Variants in ACACA observed in about 807,000 individuals in gnomAD.
ACACA encodes acetyl-CoA carboxylase alpha, also known as acetyl-CoA carboxylase 1.
In ACACA, 103 loss-of-function variants were observed where a neutral mutation model predicts 296.1. The ratio of observed to expected loss-of-function variants is 0.35; its 90% CI spans 0.30 to 0.41. The LOEUF (loss-of-function observed/expected upper bound fraction) is 0.41. Among genes scored for constraint, ACACA ranks in the 10% least tolerant of loss-of-function variants. The pLI, the probability that ACACA is intolerant of heterozygous loss-of-function variation, is 1.00. For synonymous variants in ACACA, 953 were observed against 1,038.6 expected (o/e 0.92, Z 1.58); for missense variants, 1,554 against 2,989.7 (o/e 0.52, Z 11.20).
intron 55 of ACACA, 114 bp from the exon 56 acceptor site, chr17:37,087,553 T>A: frequency 7.9e-7 from 1 of 1,263,304 alleles, no homozygotes; most frequent in East Asian, 2.4e-5. Context: ...GACATTTTAG[T>A]CACGCCTCAC....
chr17:37,309,357 GC>G (rs2084026589), intron 3 of ACACA, among the ~76,000 whole-genome samples: 2 of 152,082 alleles, frequency 1.3e-5, no homozygotes, highest in Admixed American at 1.3e-4. Context: ...ACTATTATAT[GC>G]TATAGAAAAT....
rs2080833003 is a variant in ACACA at position 37,248,646 on chromosome 17, G to A, written c.2110C>T (p.Leu704=). The change falls in exon 17 of 56, where the codon CTG becomes TTG. Residue 704 remains leucine, a synonymous_variant. Coordinates refer to ENST00000616317, the MANE Select transcript of ACACA (RefSeq NM_198834.3). The part of the protein sequence containing the change: ...RGQVLPAHTL[L]NTVDVELIYE... ...ATAAGTTCAACATCTACTGTATTCAGAAGTGTATGAGCAGGAAGGACTTGA... is the reference window on the plus strand; with the variant it reads ...ATAAGTTCAACATCTACTGTATTCAAAAGTGTATGAGCAGGAAGGACTTGA... The A allele has an allele frequency of 6.2e-7, 1 of 1,611,390 alleles. No homozygotes were observed. Among genetic ancestry groups the A allele is most frequent in the African/African-American group, 1.3e-5 (1 of 74,844 alleles).
chr17:37,244,165 A>G (rs1228415904), intron 21 of ACACA, among the ~76,000 whole-genome samples: 2 of 151,916 alleles, frequency 1.3e-5, no homozygotes, highest in Non-Finnish European at 2.9e-5. Context: ...GTTCAAGACC[A>G]GTCTGGCCAA....
chr17:37,385,867 C>A, intron 1 of ACACA: 2 of 544,738 alleles, frequency 3.7e-6, no homozygotes, highest in South Asian at 6.8e-5. Flanking sequence ...ATTTTGTGCT[C>A]ACACCCTAAA....
intron 42 of ACACA, among the ~76,000 whole-genome samples, chr17:37,157,989 G>C (rs2076319381): frequency 6.6e-6 from 1 of 152,170 alleles, no homozygotes; most frequent in African/African-American, 2.4e-5. Context: ...GAATTTGTTA[G>C]AAGTACTCAG....
In ACACA at chr17:37,221,709, C is replaced by A; in HGVS notation, c.3683+15G>T. 1 of 1,600,222 alleles carries A rather than the reference C, an allele frequency of 6.2e-7. No homozygotes were observed. Among genetic ancestry groups the A allele is most frequent in the Non-Finnish European group, 8.6e-7 (1 of 1,167,356 alleles). Reference sequence around the variant, plus strand: ...CCTCTGGCTGGCTCGGGTGCACATACCACCTCAAACTCACCTGTTTGGATG... The same window carrying A: ...CCTCTGGCTGGCTCGGGTGCACATAACACCTCAAACTCACCTGTTTGGATG... On this transcript the variant is annotated intron_variant, in intron 29 of 55. Coordinates refer to ENST00000616317, the MANE Select transcript of ACACA (RefSeq NM_198834.3).
intron 44 of ACACA, 81 bp downstream of exon 44, chr17:37,151,220 T>A: frequency 6.6e-6 from 10 of 1,515,852 alleles, no homozygotes; most frequent in Non-Finnish European, 9.1e-6. Flanking sequence ...CATTTGGGAC[T>A]GAATAGCAGT....
chr17:37,402,071 T>C lies in ACACA; in HGVS notation c.38+4191A>G, dbSNP rs1289879372. 3.9e-5 allele frequency among the ~76,000 whole-genome samples: 6 copies of C among 152,314 alleles called. No homozygotes were observed. The South Asian group carries it at 8.3e-4, about 21-fold the overall frequency. ...GCTATTAGTTTATCCTGAAGGTCAA[T>C]CTTCAAAAATACTGGTTCAACATGG... is the stretch of plus-strand genomic sequence containing the variant. On this transcript the variant is annotated intron_variant, in intron 1 of 55. Coordinates refer to ENST00000616317, the MANE Select transcript of ACACA (RefSeq NM_198834.3).
chr17:37,179,938 T>C (rs2077257252), intron 40 of ACACA, among the ~76,000 whole-genome samples: 1 of 152,260 alleles, frequency 6.6e-6, no homozygotes, highest in Non-Finnish European at 1.5e-5. Flanking sequence ...TGTGACTATT[T>C]GTAAATGTGC....
chr17:37,344,029 A>G (rs1040854254), intron 1 of ACACA, among the ~76,000 whole-genome samples: 3 of 151,960 alleles, frequency 2.0e-5, no homozygotes, highest in African/African-American at 7.2e-5. Flanking sequence ...ACACCTAAAT[A>G]TACAATTACA....
intron 1 of ACACA, among the ~76,000 whole-genome samples, chr17:37,381,624 G>A (rs1017447396): frequency 4.2e-5 from 6 of 142,886 alleles, no homozygotes; most frequent in African/African-American, 1.5e-4. Flanking sequence ...CTCTTCCATA[G>A]TCTTTTTTTT....
At position 37,281,201 on chromosome 17, in the gene ACACA, G is replaced by T. The variant is rs554677797; in HGVS notation, c.610+2066C>A. 3.3e-5 allele frequency among the ~76,000 whole-genome samples: 5 copies of T among 151,624 alleles called. No homozygotes were observed. The East Asian group carries it at 9.7e-4, about 30-fold the overall frequency. Reference sequence around the variant, plus strand: ...TCAGCTTCCGAGTAGCTGGATTTACGGGCACCAGCACCATGCCCAGCTAAT... The same window carrying T: ...TCAGCTTCCGAGTAGCTGGATTTACTGGCACCAGCACCATGCCCAGCTAAT... On this transcript the variant is annotated intron_variant, in intron 5 of 55. Coordinates refer to ENST00000616317, the MANE Select transcript of ACACA (RefSeq NM_198834.3).
At chr17:37,380,524 C>T (rs2050201039) in intron 1 of ACACA, among the ~76,000 whole-genome samples, 1 of 152,070 alleles carries the variant, frequency 6.6e-6, no homozygotes, top group African/African-American at 2.4e-5. Flanking sequence ...CCCTTCTAGC[C>T]CTGATACTCT....
chr17:37,199,977 A>G (rs1318263906), intron 35 of ACACA, among the ~76,000 whole-genome samples, 162 bp downstream of exon 35: 1 of 152,110 alleles, frequency 6.6e-6, no homozygotes, highest in Non-Finnish European at 1.5e-5. Context: ...TCAGCCTCCC[A>G]AAGTGCTGGG....
chr17:37,209,089 G>T (rs1263644397), intron 30 of ACACA, among the ~76,000 whole-genome samples: 1 of 152,202 alleles, frequency 6.6e-6, no homozygotes, highest in Non-Finnish European at 1.5e-5. Context: ...TGATGACTAT[G>T]GAAAAGGTAC....
intron 3 of ACACA, among the ~76,000 whole-genome samples, chr17:37,287,891 G>C (rs1460538656): frequency 6.6e-6 from 1 of 152,168 alleles, no homozygotes; most frequent in Non-Finnish European, 1.5e-5. Context: ...CCTTCTTAGA[G>C]ACTGACATTT....
chr17:37,206,925 T>C (rs778617667), intron 31 of ACACA, 46 bp from the exon 32 acceptor site: 1 of 1,473,108 alleles, frequency 6.8e-7, no homozygotes, highest in Non-Finnish European at 9.5e-7. Flanking sequence ...TCAAGTGGCA[T>C]GAAACTAACA....
At chr17:37,179,123 T>C (rs1342168489) in intron 41 of ACACA, 137 bp downstream of exon 41, 6 of 1,072,812 alleles carry the variant, frequency 5.6e-6, no homozygotes, top group Non-Finnish European at 8.2e-6. Context: ...AATTTCTTGA[T>C]ACTCAGTCAA....
chr17:37,365,638 T>C (rs1189391979), intron 1 of ACACA: 5 of 985,318 alleles, frequency 5.1e-6, no homozygotes, highest in South Asian at 9.4e-5. Context: ...CTGAATACTA[T>C]GTCTCTTTGC....
Sources: allele counts gnomAD v4.1 joint callset (sites outside exome capture counted in the v4.1 genomes callset), GRCh38; gene constraint gnomAD v4.1.1; transcripts MANE v1.5; gene names NCBI Gene and HGNC (gene_info 2026-07-23, HGNC 2026-07-21).